DPY30: variants seen among roughly 807,000 people sequenced by gnomAD.
DPY30 encodes the protein dpy-30 histone methyltransferase complex regulatory subunit.
A neutral mutation model predicts 16.2 loss-of-function variants in DPY30; 6 were observed. That is an observed-to-expected ratio of 0.37 (90% CI 0.20 to 0.73). The LOEUF (loss-of-function observed/expected upper bound fraction) is 0.73. DPY30 is among the 30% of genes least tolerant of loss of function. The pLI, the probability that DPY30 is intolerant of heterozygous loss-of-function variation, is 0.51. For synonymous variants in DPY30, 39 were observed against 38.8 expected, an observed-to-expected ratio of 1.00 and a Z score of -0.02; for missense variants, 73 against 113.1, an observed-to-expected ratio of 0.65 and a Z score of 1.61.
intron 4 of DPY30, among the ~76,000 whole-genome samples, chr2:32,028,601 G>A (rs958727477): frequency 1.3e-5 from 2 of 152,124 alleles, no homozygotes; most frequent in African/African-American, 4.8e-5. Flanking sequence ...AAGAGATCGA[G>A]ATCATTCTGG....
intron 3 of DPY30, among the ~76,000 whole-genome samples, chr2:32,034,916 T>A (rs1429632623): frequency 6.6e-6 from 1 of 151,318 alleles, no homozygotes. Flanking sequence ...GGAGAGTCAC[T>A]TGAACCCAGG....
At chr2:32,034,955 C>T (rs1049935754) in intron 3 of DPY30, among the ~76,000 whole-genome samples, 7 of 151,498 alleles carry the variant, frequency 4.6e-5, no homozygotes, top group Non-Finnish European at 8.8e-5. Context: ...CCCAAGATCG[C>T]GCCACTTCCA....
rs759744208 is a variant in DPY30 at position 32,039,294 on chromosome 2, G to C, written c.69C>G (p.Leu23=). 34 of 1,614,070 alleles carry C rather than the reference G, an allele frequency of 2.1e-5. No homozygotes were observed. The highest frequency in any genetic ancestry group is 2.6e-5 in the Non-Finnish European group (31 of 1,180,050). Reference sequence around the variant, plus strand: ...GGCGAGTTACCTCAACGTTGTCTGTGAGACCGTACTCAGAGTGAGGATTTT... The same window carrying C: ...GGCGAGTTACCTCAACGTTGTCTGTCAGACCGTACTCAGAGTGAGGATTTT... ...VAENPHSEYG[L]TDNVERIVEN... The change falls in exon 3 of 5, where the codon CTC becomes CTG. Residue 23 remains leucine, a synonymous_variant. Transcript: ENST00000342166.
chr2:32,012,938 G>C (rs1674996159), intron 5 of DPY30: 2 of 152,186 alleles, frequency 1.3e-5, no homozygotes, highest in East Asian at 1.9e-4. Context: ...CTATGGAAAA[G>C]AGGTGTGGGG....
chr2:32,019,062 T>C (rs921173893), downstream of DPY30, among the ~76,000 whole-genome samples: 2 of 152,118 alleles, frequency 1.3e-5, no homozygotes, highest in African/African-American at 4.8e-5. Context: ...GTATGTATCA[T>C]TTATGATTAC....
At chr2:32,032,854 G>A (rs1164724337) in intron 3 of DPY30, among the ~76,000 whole-genome samples, 1 of 151,604 alleles carries the variant, frequency 6.6e-6, no homozygotes, top group East Asian at 1.9e-4. Context: ...AACTTATCTG[G>A]GCATGGTGGC....
At chr2:32,016,220 A>C (rs1029838132) in intron 5 of DPY30, among the ~76,000 whole-genome samples, 1 of 152,132 alleles carries the variant, frequency 6.6e-6, no homozygotes, top group East Asian at 1.9e-4. Context: ...AGGTTTTTTA[A>C]AAAACAATTA....
chr2:32,026,357 T>C (rs1433174911), intron 4 of DPY30, among the ~76,000 whole-genome samples: 1 of 152,060 alleles, frequency 6.6e-6, no homozygotes, highest in Non-Finnish European at 1.5e-5. Flanking sequence ...CTGCGGTGAG[T>C]GGTGATCTTG....
chr2:32,031,423 A>G (rs1340191649), intron 3 of DPY30, among the ~76,000 whole-genome samples: 1 of 151,828 alleles, frequency 6.6e-6, no homozygotes, highest in Non-Finnish European at 1.5e-5. Context: ...CTCAAAAAAA[A>G]AAAGAAAAAT....
intron 5 of DPY30, among the ~76,000 whole-genome samples, chr2:32,017,666 A>G (rs547643827): frequency 6.6e-6 from 1 of 152,028 alleles, no homozygotes. Context: ...CACTCTTTCT[A>G]TATTTGTGTG....
chr2:32,036,798 G>C (rs541648637), intron 3 of DPY30, among the ~76,000 whole-genome samples: 6 of 152,228 alleles, frequency 3.9e-5, no homozygotes, highest in South Asian at 4.1e-4. Flanking sequence ...GAACCCAGGA[G>C]GCAGAGCTTG....
chr2:32,035,135 C>A (rs1256317302), intron 3 of DPY30, among the ~76,000 whole-genome samples: 2 of 150,462 alleles, frequency 1.3e-5, no homozygotes, highest in African/African-American at 4.9e-5. Context: ...TATAATGTAT[C>A]CCTGCCAGGC....
At chr2:32,034,756 T>C (rs998431582) in intron 3 of DPY30, among the ~76,000 whole-genome samples, 1 of 152,138 alleles carries the variant, frequency 6.6e-6, no homozygotes, top group African/African-American at 2.4e-5. Flanking sequence ...CCCAGCACTT[T>C]GGGAGGTCAA....
In DPY30 at chr2:32,024,114, G is replaced by C; in HGVS notation, c.*70C>G. The C allele has an allele frequency of 2.6e-6, 4 of 1,565,248 alleles. No individual in the cohort carries two copies. The highest frequency in any genetic ancestry group is 3.5e-6 in the Non-Finnish European group (4 of 1,156,144). ...CATCCAAAAAGAGGGAATGATCATG[G>C]CAATTAAAGCTGCCTCTTAATCATG... On this transcript the variant is annotated 3_prime_UTR_variant, in exon 5 of 5. Transcript: ENST00000342166.
chr2:32,035,980 G>C (rs891656037), intron 3 of DPY30, among the ~76,000 whole-genome samples: 2 of 150,610 alleles, frequency 1.3e-5, no homozygotes, highest in African/African-American at 4.9e-5. Context: ...TAAGTAAACT[G>C]ATCTTTTTCC....
chr2:32,037,564 T>C (rs1675792325), intron 3 of DPY30, among the ~76,000 whole-genome samples: 1 of 151,554 alleles, frequency 6.6e-6, no homozygotes, highest in Non-Finnish European at 1.5e-5. Flanking sequence ...CAGACAACTT[T>C]TTTTTTTTTT....
downstream of DPY30, among the ~76,000 whole-genome samples, chr2:32,022,578 C>T (rs1377317129): frequency 6.6e-6 from 1 of 151,680 alleles, no homozygotes; most frequent in Non-Finnish European, 1.5e-5. Context: ...AGTGCAGTGG[C>T]ACAATCTCGG....
In DPY30 at chr2:32,012,419, C is replaced by CTTTTTTTT. The variant is rs397984233; in HGVS notation, n.378-375_378-368dup. Among the ~76,000 whole-genome samples the CTTTTTTTT allele has an allele frequency of 7.3e-3, 600 of 81,762 alleles. 22 individuals carry two copies. Among genetic ancestry groups the CTTTTTTTT allele is most frequent in the Non-Finnish European group, 0.011 (460 of 41,536 alleles). 53.6% of individuals were successfully genotyped at this position (81,762 alleles called of 152,430 possible). ...TGTATCCAAAACCTCTCTCTTTTTT[C>CTTTTTTTT]TTTTTTTTTTTTTTTTTTTTTTTTT... On this transcript the variant is annotated intron_variant and non_coding_transcript_variant, in intron 5 of 5. Coordinates refer to the DPY30 transcript ENST00000414013.
chr2:32,035,241 C>G (rs1410675441), intron 3 of DPY30, among the ~76,000 whole-genome samples: 1 of 152,040 alleles, frequency 6.6e-6, no homozygotes, highest in Non-Finnish European at 1.5e-5. Context: ...TACGATCATG[C>G]CACTGTACCC....
Sources: allele counts gnomAD v4.1 joint callset (sites outside exome capture counted in the v4.1 genomes callset), GRCh38; gene constraint gnomAD v4.1.1; transcripts MANE v1.5; gene names NCBI Gene and HGNC (gene_info 2026-07-23, HGNC 2026-07-21).